IMMP2L: variants seen among roughly 807,000 people sequenced by gnomAD.
IMMP2L encodes the protein inner mitochondrial membrane peptidase subunit 2.
In IMMP2L, 18 loss-of-function variants were observed where a neutral mutation model predicts 19.3. That is an observed-to-expected ratio of 0.93 (90% CI 0.64 to 1.38). IMMP2L has a LOEUF of 1.38. IMMP2L is among the 40% of genes most tolerant of loss of function. The probability of loss-of-function intolerance (pLI) is 0.00; values close to 1 mark genes in which losing one functional copy is unlikely to be tolerated. For synonymous variants in IMMP2L, 76 were observed against 73.0 expected, an observed-to-expected ratio of 1.04 and a Z score of -0.21; for missense variants, 233 against 218.2, an observed-to-expected ratio of 1.07 and a Z score of -0.43.
chr7:110,843,264 A>T (rs560577780), intron 5 of IMMP2L, among the ~76,000 whole-genome samples: 1 of 152,302 alleles, frequency 6.6e-6, no homozygotes, highest in East Asian at 1.9e-4. Context: ...AAGCAAATAG[A>T]AGCTTAATTT....
chr7:111,503,935 A>G (rs1398634746), intron 2 of IMMP2L, among the ~76,000 whole-genome samples: 4 of 151,862 alleles, frequency 2.6e-5, no homozygotes, highest in African/African-American at 9.7e-5. Context: ...CTCTCTCACC[A>G]CTCCTATTCA....
intron 3 of IMMP2L, among the ~76,000 whole-genome samples, chr7:111,039,647 G>C (rs969338114): frequency 6.6e-6 from 1 of 152,066 alleles, no homozygotes; most frequent in Non-Finnish European, 1.5e-5. Context: ...ACATGGTAGT[G>C]GTTTTTTTAA....
chr7:110,952,097 T>TA (rs1817888049), intron 4 of IMMP2L, among the ~76,000 whole-genome samples: 1 of 152,168 alleles, frequency 6.6e-6, no homozygotes, highest in Non-Finnish European at 1.5e-5. Flanking sequence ...TAATTATACT[T>TA]ACATGTCCTT....
At chr7:111,446,790 A>G (rs962356848) in intron 3 of IMMP2L, among the ~76,000 whole-genome samples, 3 of 152,120 alleles carry the variant, frequency 2.0e-5, no homozygotes, top group African/African-American at 7.2e-5. Flanking sequence ...AGCAAAGGCA[A>G]AGAAGTTGAA....
chr7:110,688,790 T>C lies in IMMP2L; in HGVS notation c.409-25069A>G, dbSNP rs563285315. Among the ~76,000 whole-genome samples the C allele has an allele frequency of 7.2e-5, 11 of 152,254 alleles. No individual in the cohort carries two copies. The South Asian group carries it at 2.1e-3, about 29-fold the overall frequency. On this transcript the variant is annotated intron_variant, in intron 5 of 5. Transcript: ENST00000405709. ...AAAACTGTGAATAGTGAAATCTTAT[T>C]TGGGACTGCTTTTAAAAGGATATGT...
chr7:111,400,754 A>C (rs1430063555), intron 3 of IMMP2L, among the ~76,000 whole-genome samples: 2 of 152,088 alleles, frequency 1.3e-5, no homozygotes, highest in South Asian at 2.1e-4. Context: ...TGCTTACCCC[A>C]TAGACTTATC....
chr7:111,543,811 C>G (rs556452517), intron 1 of IMMP2L, among the ~76,000 whole-genome samples: 1 of 152,192 alleles, frequency 6.6e-6, no homozygotes, highest in African/African-American at 2.4e-5. Flanking sequence ...CCTTTCATTC[C>G]CTTTTGACTA....
intron 5 of IMMP2L, among the ~76,000 whole-genome samples, chr7:110,723,250 A>G (rs1795687199): frequency 6.6e-6 from 1 of 152,172 alleles, no homozygotes; most frequent in Non-Finnish European, 1.5e-5. Context: ...GAAGTTATGC[A>G]TGTGTGTAAA....
At chr7:111,339,784 G>A (rs1006876601) in intron 3 of IMMP2L, among the ~76,000 whole-genome samples, 4 of 151,982 alleles carry the variant, frequency 2.6e-5, no homozygotes, top group African/African-American at 9.7e-5. Flanking sequence ...GAATTTTGGT[G>A]AAAATTGACT....
At chr7:111,051,244 T>C (rs1792977856) in intron 3 of IMMP2L, among the ~76,000 whole-genome samples, 1 of 152,200 alleles carries the variant, frequency 6.6e-6, no homozygotes, top group African/African-American at 2.4e-5. Context: ...ACTGTTTATT[T>C]CTATATTGTC....
intron 5 of IMMP2L, among the ~76,000 whole-genome samples, chr7:110,764,665 C>A (rs920840329): frequency 1.3e-5 from 2 of 151,894 alleles, no homozygotes; most frequent in Admixed American, 6.6e-5. Context: ...TAATAAAAAT[C>A]CAAATGTAGG....
chr7:111,339,516 A>G (rs927208187), intron 3 of IMMP2L, among the ~76,000 whole-genome samples: 1 of 152,002 alleles, frequency 6.6e-6, no homozygotes, highest in Non-Finnish European at 1.5e-5. Flanking sequence ...CCTACACCGC[A>G]TTTTACAGAT....
chr7:110,973,474 C>A (rs1820363359), intron 3 of IMMP2L, among the ~76,000 whole-genome samples: 1 of 152,018 alleles, frequency 6.6e-6, no homozygotes, highest in African/African-American at 2.4e-5. Flanking sequence ...TGTACACAGT[C>A]AGCAATAACT....
intron 5 of IMMP2L, among the ~76,000 whole-genome samples, chr7:110,699,536 C>T (rs558462713): frequency 3.3e-5 from 5 of 152,066 alleles, no homozygotes; most frequent in African/African-American, 9.6e-5. Flanking sequence ...TTTGGGAGGC[C>T]GAGGCGGGCG....
chr7:111,374,686 C>T (rs1164657748), intron 3 of IMMP2L, among the ~76,000 whole-genome samples: 1 of 152,066 alleles, frequency 6.6e-6, no homozygotes, highest in African/African-American at 2.4e-5. Flanking sequence ...ATGGCTTTGG[C>T]CTTAAATCAA....
intron 3 of IMMP2L, among the ~76,000 whole-genome samples, chr7:111,029,471 C>A (rs1482036461): frequency 6.6e-6 from 1 of 152,156 alleles, no homozygotes; most frequent in Non-Finnish European, 1.5e-5. Flanking sequence ...TGAAGAGATA[C>A]AGGTAGCTAT....
intron 4 of IMMP2L, among the ~76,000 whole-genome samples, chr7:110,939,558 A>G (rs1585353137): frequency 6.6e-6 from 1 of 152,174 alleles, no homozygotes; most frequent in Admixed American, 6.5e-5. Context: ...AACAGCATGA[A>G]GCACTGAATG....
At chr7:111,399,279 T>A (rs1584951205) in intron 3 of IMMP2L, among the ~76,000 whole-genome samples, 1 of 152,124 alleles carries the variant, frequency 6.6e-6, no homozygotes, top group Admixed American at 6.5e-5. Context: ...GGTTTAAAAA[T>A]AGGCACATAG....
rs187512703 is a variant in IMMP2L, at chr7:110,967,460, C to G, written c.240-3895G>C. On this transcript the variant is annotated intron_variant, in intron 3 of 5. Coordinates refer to ENST00000405709, the MANE Select transcript of IMMP2L (RefSeq NM_032549.4). Reference sequence around the variant, plus strand: ...ACCCTAGGTCTAAGCATTCTCTTCTCCCATTTATGATAAAATTTTAAAACT... The same window carrying G: ...ACCCTAGGTCTAAGCATTCTCTTCTGCCATTTATGATAAAATTTTAAAACT... Among the ~76,000 whole-genome samples the G allele has an allele frequency of 9.9e-5, 15 of 152,096 alleles. No homozygotes were observed. In the East Asian group the frequency reaches 2.7e-3, roughly 28 times the overall value.
Sources: gnomAD v4.1 joint callset for allele counts (sites outside exome capture counted in the v4.1 genomes callset) on GRCh38, gnomAD v4.1.1 for gene constraint, MANE v1.5 for transcripts, NCBI Gene and HGNC (gene_info 2026-07-23, HGNC 2026-07-21) for gene names.